The following NLRP8 variants were observed in gnomAD, a reference collection of about 807,000 sequenced individuals.
The protein encoded by NLRP8 is NLR family pyrin domain containing 8.
Under a neutral mutation model 88.7 loss-of-function variants are expected in NLRP8, and 86 were observed. The observed-to-expected ratio is 0.97, with a 90% CI of 0.81 to 1.16. The LOEUF is 1.16. NLRP8 is among the 50% of genes most tolerant of loss of function. The probability of loss-of-function intolerance (pLI) is 0.00; values close to 1 mark genes in which losing one functional copy is unlikely to be tolerated. For synonymous variants in NLRP8, 504 were observed against 494.6 expected, an observed-to-expected ratio of 1.02 and a Z score of -0.25; for missense variants, 1,342 against 1,286.5, an observed-to-expected ratio of 1.04 and a Z score of -0.66.
intron 4 of NLRP8, among the ~76,000 whole-genome samples, chr19:55,963,476 G>T (rs2123202848): frequency 6.6e-6 from 1 of 152,312 alleles, no homozygotes; most frequent in Non-Finnish European, 1.5e-5. Context: ...GTGCCTGCGT[G>T]GGGTAAGCCT....
Position 55,955,710 on chromosome 19 carries a change from A to G in NLRP8, c.1652A>G (p.Tyr551Cys), listed in dbSNP as rs151156945. The G allele has an allele frequency of 1.1e-5, 18 of 1,613,546 alleles. No individual in the cohort carries two copies. Among genetic ancestry groups the G allele is most frequent in the African/African-American group, 9.3e-5 (7 of 74,908 alleles). The change falls in exon 3 of 10, where the codon TAT (tyrosine) becomes TGT (cysteine). Residue 551 changes from tyrosine to cysteine, a missense_variant. Tyr to Cys is a radical substitution (Grantham distance 194). Transcript: ENST00000291971. ...GCGAGTCCCAGAGGAAGCAAAAGCT[A>G]TCTCTCTCACATGGGACTTTTCTTA...
intron 8 of NLRP8, among the ~76,000 whole-genome samples, chr19:55,977,474 T>C (rs1448063508): frequency 4.1e-5 from 6 of 145,396 alleles, no homozygotes; most frequent in Non-Finnish European, 9.0e-5. Context: ...ATATTATATA[T>C]TTATATATAC....
intron 9 of NLRP8, among the ~76,000 whole-genome samples, chr19:55,986,372 TCACA>T (rs1033786859): frequency 3.4e-5 from 5 of 149,222 alleles, no homozygotes; most frequent in African/African-American, 7.5e-5. Flanking sequence ...TCACACAGTC[TCACA>T]CACATTCTCT....
At chr19:55,968,672 A>G (rs113299605) in intron 5 of NLRP8, among the ~76,000 whole-genome samples, 1 of 150,098 alleles carries the variant, frequency 6.7e-6, no homozygotes, top group African/African-American at 2.5e-5. Flanking sequence ...TCCAGGAAGC[A>G]GAGGTTGCAG....
chr19:55,986,440 GCA>G (rs1414849275), intron 9 of NLRP8, among the ~76,000 whole-genome samples: 2 of 88,442 alleles, frequency 2.3e-5, no homozygotes, highest in Non-Finnish European at 4.6e-5. Flanking sequence ...ACACACACAT[GCA>G]CTCTCTCTCT....
At chr19:55,961,789 C>T (rs111685671) in intron 3 of NLRP8, among the ~76,000 whole-genome samples, 87 of 152,266 alleles carry the variant, frequency 5.7e-4, no homozygotes, top group African/African-American at 2.0e-3. Flanking sequence ...CAGAGTGATA[C>T]CTTGTCTCAA....
At chr19:55,948,876 A>G (rs938321499) in intron 1 of NLRP8, among the ~76,000 whole-genome samples, 1 of 152,250 alleles carries the variant, frequency 6.6e-6, no homozygotes, top group Non-Finnish European at 1.5e-5. Context: ...TGGTATAGCT[A>G]TGGTGATGTC....
intron 9 of NLRP8, among the ~76,000 whole-genome samples, chr19:55,979,818 C>T (rs1344373083): frequency 1.3e-5 from 2 of 152,082 alleles, no homozygotes; most frequent in Admixed American, 1.3e-4. Context: ...ACTCAGGAGG[C>T]TGAGGTGAGA....
chr19:55,970,468 C>G, intron 5 of NLRP8, 76 bp from the exon 6 acceptor site: 2 of 1,499,402 alleles, frequency 1.3e-6, no homozygotes, highest in Non-Finnish European at 9.1e-7. Flanking sequence ...AGACATGAGA[C>G]AGTGGAATCC....
chr19:55,960,575 A>G (rs1288988336), intron 3 of NLRP8, among the ~76,000 whole-genome samples: 2 of 152,140 alleles, frequency 1.3e-5, no homozygotes, highest in Non-Finnish European at 2.9e-5. Flanking sequence ...AAATCTTAAG[A>G]CACGACATAT....
intron 1 of NLRP8, among the ~76,000 whole-genome samples, chr19:55,950,031 G>A (rs1979021304): frequency 6.6e-6 from 1 of 152,170 alleles, no homozygotes; most frequent in African/African-American, 2.4e-5. Context: ...AAGAAAATCA[G>A]AGGGGATGGA....
chr19:55,958,112 C>T (rs779114915), intron 3 of NLRP8, among the ~76,000 whole-genome samples: 11 of 152,086 alleles, frequency 7.2e-5, no homozygotes, highest in Non-Finnish European at 1.5e-4. Flanking sequence ...ATTTGACCCC[C>T]GTGGCTATGA....
intron 6 of NLRP8, among the ~76,000 whole-genome samples, chr19:55,971,063 G>A (rs1484368550): frequency 6.6e-6 from 1 of 152,018 alleles, no homozygotes; most frequent in Non-Finnish European, 1.5e-5. Flanking sequence ...AGGTTGATCA[G>A]GCTCCTTAAT....
chr19:55,960,013 A>G (rs1017637835), intron 3 of NLRP8, among the ~76,000 whole-genome samples: 3 of 151,962 alleles, frequency 2.0e-5, no homozygotes, highest in African/African-American at 7.3e-5. Flanking sequence ...TTGTTTGTGG[A>G]GGTCTGGGGA....
chr19:55,953,321 G>A (rs116328839), intron 2 of NLRP8, among the ~76,000 whole-genome samples: 2 of 151,968 alleles, frequency 1.3e-5, no homozygotes, highest in African/African-American at 4.8e-5. Context: ...ATACTGAGTT[G>A]TATAATTATT....
Position 55,988,119 on chromosome 19 carries a change from G to C in NLRP8, c.*206G>C. Reference sequence around the variant, plus strand: ...ATTAATATGCTATGTAAGGCTGGGCGTGGTGGCTCACGCCTGTAACCCAGC... The same window carrying C: ...ATTAATATGCTATGTAAGGCTGGGCCTGGTGGCTCACGCCTGTAACCCAGC... On this transcript the variant is annotated 3_prime_UTR_variant, in exon 10 of 10. Coordinates refer to ENST00000291971, the MANE Select transcript of NLRP8 (RefSeq NM_176811.2). The C allele has an allele frequency of 2.1e-6, 1 of 474,242 alleles. No individual in the cohort carries two copies. The highest frequency in any genetic ancestry group is 3.9e-6 in the Non-Finnish European group (1 of 259,430). 29.4% of individuals were successfully genotyped at this position (474,242 alleles called of 1,614,324 possible).
chr19:55,948,261 A>G lies in NLRP8; in HGVS notation c.359A>G (p.Glu120Gly). The G allele has an allele frequency of 6.2e-7, 1 of 1,611,524 alleles. No individual in the cohort carries two copies. The highest frequency in any genetic ancestry group is 8.5e-7 in the Non-Finnish European group (1 of 1,177,924). Reference sequence around the variant, plus strand: ...AAAATGTGTGTTGTAGTCCGCAGAGAGATAAATGGTGAGTGTTGATCTGGT... The same window carrying G: ...AAAATGTGTGTTGTAGTCCGCAGAGGGATAAATGGTGAGTGTTGATCTGGT... The change falls in exon 1 of 10, where the codon GAG becomes GGG. Residue 120 changes from glutamate to glycine, a missense_variant. Glu to Gly is a moderately conservative substitution (Grantham distance 98, BLOSUM62 -2). Transcript: ENST00000291971.
chr19:55,984,608 C>T (rs372033067), intron 9 of NLRP8, among the ~76,000 whole-genome samples: 3 of 147,304 alleles, frequency 2.0e-5, no homozygotes, highest in East Asian at 2.0e-4. Context: ...GAGCCGAGAT[C>T]GCGCCATTGC....
intron 8 of NLRP8, among the ~76,000 whole-genome samples, chr19:55,977,426 CAATAT>C (rs1980397754): frequency 7.2e-6 from 1 of 139,834 alleles, no homozygotes; most frequent in Non-Finnish European, 1.5e-5. Flanking sequence ...TGTAAATATA[CAATAT>C]ATTATACATT....
Sources: gnomAD v4.1 joint callset for allele counts (sites outside exome capture counted in the v4.1 genomes callset) on GRCh38, gnomAD v4.1.1 for gene constraint, MANE v1.5 for transcripts, NCBI Gene and HGNC (gene_info 2026-07-23, HGNC 2026-07-21) for gene names.